DOCK1: variants seen among roughly 807,000 people sequenced by gnomAD.
The protein encoded by DOCK1 is dedicator of cytokinesis protein 1.
Under a neutral mutation model 262.7 loss-of-function variants are expected in DOCK1, and 138 were observed. The ratio of observed to expected loss-of-function variants is 0.53; its 90% confidence interval spans 0.46 to 0.61. The LOEUF (loss-of-function observed/expected upper bound fraction) is 0.61, where lower values mean the gene tolerates loss of function less well. Ranked by LOEUF, DOCK1 falls within the 20% of genes least tolerant of loss-of-function variation. DOCK1 has a pLI of 0.00. For missense variants in DOCK1, 1,908 were observed against 2,370.7 expected (o/e 0.80, Z 4.05); for synonymous variants, 866 against 867.4 (o/e 1.00, Z 0.03).
chr10:127,192,334 G>A lies in DOCK1; in HGVS notation c.2848-55674G>A, dbSNP rs117153145. Among the ~76,000 whole-genome samples, 33 of 152,314 alleles carry A rather than the reference G, an allele frequency of 2.2e-4. No homozygotes were observed. In the East Asian group the frequency reaches 6.2e-3, roughly 29 times the overall value. On this transcript the variant is annotated intron_variant, in intron 27 of 51. Coordinates refer to ENST00000623213, the MANE Select transcript of DOCK1 (RefSeq NM_001290223.2). ...TGTTGTTAGCCAAAAGGTTTATAGAGTAATTTAGAATCATAATTCCTGCTT... is the reference window on the plus strand; with the variant it reads ...TGTTGTTAGCCAAAAGGTTTATAGAATAATTTAGAATCATAATTCCTGCTT...
At chr10:127,289,801 CTCT>C (rs141174299) in intron 29 of DOCK1, among the ~76,000 whole-genome samples, 4,448 of 151,450 alleles carry the variant, frequency 0.029, 202 homozygotes, top group African/African-American at 0.1. Context: ...CATTCCCTTT[CTCT>C]TCTTCTTTTG....
At chr10:127,407,997 C>T (rs1017992490) in intron 40 of DOCK1, among the ~76,000 whole-genome samples, 4 of 152,044 alleles carry the variant, frequency 2.6e-5, no homozygotes, top group Non-Finnish European at 5.9e-5. Context: ...ACTAGGTACT[C>T]ATTGGCCCCT....
chr10:127,158,443 A>G (rs1489417672), intron 27 of DOCK1, among the ~76,000 whole-genome samples: 4 of 152,360 alleles, frequency 2.6e-5, no homozygotes, highest in African/African-American at 9.6e-5. Context: ...TCTGTCTTGC[A>G]GATTAATTGC....
intron 38 of DOCK1, among the ~76,000 whole-genome samples, chr10:127,399,635 C>G (rs1590895101): frequency 6.6e-6 from 1 of 151,598 alleles, no homozygotes; most frequent in Non-Finnish European, 1.5e-5. Context: ...AGTATCTTCT[C>G]TGTCATTTAG....
intron 29 of DOCK1, among the ~76,000 whole-genome samples, chr10:127,272,392 C>T (rs772769503): frequency 5.3e-5 from 8 of 152,098 alleles, no homozygotes; most frequent in Non-Finnish European, 1.0e-4. Context: ...CGGCAGCTAC[C>T]GGCTCCATGT....
chr10:127,386,436 G>C (rs72841543), intron 38 of DOCK1, among the ~76,000 whole-genome samples: 8,130 of 151,924 alleles, frequency 0.054, 329 homozygotes, highest in Middle Eastern at 0.092. Flanking sequence ...GTTTACAGCC[G>C]TTCCCCATCG....
rs902914475 is a variant in DOCK1 at position 127,052,790 on chromosome 10, G to T, written c.2311G>T (p.Val771Leu). The T allele has an allele frequency of 1.9e-6, 3 of 1,613,526 alleles. No individual in the cohort carries two copies. Among genetic ancestry groups the T allele is most frequent in the Non-Finnish European group, 2.5e-6 (3 of 1,179,664 alleles). ...GCTAGAATCCATCTTCAAGTTCATC[G>T]TGCGCTCCAGGATCCTGTTCAATCA... Reference protein sequence around the residue: ...KALESIFKFIVRSRILFNQLY... With the variant: ...KALESIFKFILRSRILFNQLY... The change falls in exon 22 of 52, where the codon GTG becomes TTG. Residue 771 changes from valine (V) to leucine (L), a missense_variant. Physicochemically the swap from Val to Leu is conservative, Grantham distance 32 (BLOSUM62 1). This residue lies in a region of DOCK1 where 518 missense variants were observed against 575.1 expected (regional missense o/e 0.90). Coordinates refer to ENST00000623213, the MANE Select transcript of DOCK1 (RefSeq NM_001290223.2).
chr10:127,317,611 G>A (rs1216466046), intron 29 of DOCK1, among the ~76,000 whole-genome samples: 1 of 152,194 alleles, frequency 6.6e-6, no homozygotes, highest in East Asian at 1.9e-4. Context: ...TGATAATACT[G>A]AGCAGGCAAT....
rs570728586 is a variant in DOCK1 at position 127,119,638 on chromosome 10, T to C, written c.2624-5836T>C. Among the ~76,000 whole-genome samples, 10 of 152,340 alleles carry C rather than the reference T, an allele frequency of 6.6e-5. No homozygotes were observed. In the South Asian group the frequency reaches 1.0e-3, roughly 16 times the overall value. On this transcript the variant is annotated intron_variant, in intron 25 of 51. Coordinates refer to ENST00000623213, the MANE Select transcript of DOCK1 (RefSeq NM_001290223.2). The stretch of plus-strand genomic sequence containing the variant: ...AGCAAACACCCCCCATGTATATGAT[T>C]CTTACTGTTTAATTCTTAGGAAAAG...
chr10:127,237,622 A>T (rs924139764), intron 27 of DOCK1, among the ~76,000 whole-genome samples: 2 of 152,126 alleles, frequency 1.3e-5, no homozygotes, highest in Non-Finnish European at 2.9e-5. Flanking sequence ...CTCCTCAGAT[A>T]CTTTTCTGAG....
At chr10:127,283,678 C>T (rs534787168) in intron 29 of DOCK1, among the ~76,000 whole-genome samples, 3 of 152,212 alleles carry the variant, frequency 2.0e-5, no homozygotes, top group Non-Finnish European at 2.9e-5. Context: ...CATTCTATCA[C>T]AAGCATTTTT....
chr10:127,124,906 A>T (rs1034707102), intron 25 of DOCK1, among the ~76,000 whole-genome samples: 2 of 152,130 alleles, frequency 1.3e-5, no homozygotes, highest in African/African-American at 2.4e-5. Context: ...AAAATTCATT[A>T]AAAAACCCGT....
At chr10:127,357,518 G>A (rs915982927) in intron 32 of DOCK1, among the ~76,000 whole-genome samples, 10 of 152,184 alleles carry the variant, frequency 6.6e-5, no homozygotes, top group African/African-American at 1.2e-4. Context: ...CAAGTCAAGC[G>A]ACAGGAGACT....
At chr10:127,289,255 T>G (rs79592872) in intron 29 of DOCK1, among the ~76,000 whole-genome samples, 3,700 of 152,300 alleles carry the variant, frequency 0.024, 58 homozygotes, top group Non-Finnish European at 0.04. Flanking sequence ...TAACTTTGTA[T>G]TCTGGAGACT....
intron 31 of DOCK1, among the ~76,000 whole-genome samples, chr10:127,349,856 T>C (rs918186215): frequency 3.9e-5 from 6 of 152,180 alleles, no homozygotes; most frequent in African/African-American, 1.4e-4. Flanking sequence ...TGTCTTCCTA[T>C]GTGTCTGTGT....
chr10:127,255,468 A>G (rs1477092375), intron 28 of DOCK1, among the ~76,000 whole-genome samples: 1 of 152,226 alleles, frequency 6.6e-6, no homozygotes, highest in African/African-American at 2.4e-5. Context: ...AAATTTTCAC[A>G]AAATATCCCT....
intron 29 of DOCK1, among the ~76,000 whole-genome samples, chr10:127,272,757 T>C (rs1466845229): frequency 6.6e-6 from 1 of 152,160 alleles, no homozygotes; most frequent in African/African-American, 2.4e-5. Context: ...GACTTACAGT[T>C]CTATGTGGCT....
intron 23 of DOCK1, among the ~76,000 whole-genome samples, chr10:127,070,250 CTTTTTTTT>C (rs71032535): frequency 2.0e-4 from 19 of 92,948 alleles, no homozygotes; most frequent in Non-Finnish European, 2.9e-4. Context: ...GAATTTAGCC[CTTTTTTTT>C]TTTTTTTTTT....
intron 29 of DOCK1, among the ~76,000 whole-genome samples, chr10:127,260,130 C>G (rs1482816823): frequency 6.6e-6 from 1 of 152,234 alleles, no homozygotes; most frequent in Non-Finnish European, 1.5e-5. Flanking sequence ...CCCCTACTCA[C>G]TAGAGCCCCT....
Sources: gnomAD v4.1 joint callset for allele counts (sites outside exome capture counted in the v4.1 genomes callset) on GRCh38, gnomAD v4.1.1 for gene constraint, gnomAD v4.1.1 regional missense constraint, MANE v1.5 for transcripts, NCBI Gene and HGNC (gene_info 2026-07-23, HGNC 2026-07-21) for gene names.